Variants in GRHL2 observed in about 807,000 individuals in gnomAD.
GRHL2 encodes grainyhead like transcription factor 2.
A neutral mutation model predicts 83.8 loss-of-function variants in GRHL2; 21 were observed. That is an observed-to-expected ratio of 0.25 (90% CI 0.18 to 0.36). The LOEUF (loss-of-function observed/expected upper bound fraction) is 0.36, where lower values mean the gene tolerates loss of function less well. Ranked by LOEUF, GRHL2 falls within the 10% of genes least tolerant of loss-of-function variation. The probability of loss-of-function intolerance (pLI) is 1.00; values close to 1 mark genes in which losing one functional copy is unlikely to be tolerated. For missense variants in GRHL2, 623 were observed against 781.8 expected (o/e 0.80, Z 2.42); for synonymous variants, 280 against 278.9 (o/e 1.00, Z -0.04).
intron 4 of GRHL2, among the ~76,000 whole-genome samples, chr8:101,566,807 A>C (rs1361824174): frequency 1.3e-5 from 2 of 151,914 alleles, no homozygotes; most frequent in African/African-American, 4.8e-5. Context: ...ATGAGCTCAT[A>C]TAGAACTTTT....
In GRHL2 at chr8:101,492,492, C is replaced by T. The variant is rs1809982172; in HGVS notation, c.-278C>T. ...CGCCACTTTCTGCTCTGTGTCTGCC[C>T]ATTGCCACGATCCAGGAGGACTCCG... is the stretch of plus-strand genomic sequence containing the variant. On this transcript the variant is annotated 5_prime_UTR_variant, in exon 1 of 16. Coordinates refer to ENST00000646743, the MANE Select transcript of GRHL2 (RefSeq NM_024915.4). 5 of 574,694 alleles carry T rather than the reference C, an allele frequency of 8.7e-6. No individual in the cohort carries two copies. In the South Asian group the frequency reaches 1.0e-4, roughly 11 times the overall value. 35.6% of individuals were successfully genotyped at this position (574,694 alleles called of 1,614,324 possible). A position where few individuals can be genotyped will look rare whatever the true frequency, so the allele number is the denominator to read the frequency against.
chr8:101,607,655 TG>T (rs1488711402), intron 8 of GRHL2, among the ~76,000 whole-genome samples: 1 of 152,166 alleles, frequency 6.6e-6, no homozygotes. Context: ...GGGGCACTCC[TG>T]GGAGGGGTCT....
At chr8:101,677,577 A>T in the GRHL2 span, among the ~76,000 whole-genome samples, 1 of 152,066 alleles carries the variant, frequency 6.6e-6, no homozygotes, top group Non-Finnish European at 1.5e-5. Flanking sequence ...TGTCTTCATG[A>T]GGATTATGTA....
chr8:101,552,800 G>A lies in GRHL2; in HGVS notation c.284+18G>A. ...GAGAAAAGGTAAAGGAATTTGCCTG[G>A]CCCCCAGAATAACTCTATGTTTTCT... On this transcript the variant is annotated intron_variant, in intron 3 of 15. Transcript: ENST00000646743. 6.2e-7 allele frequency: 1 copy of A among 1,609,824 alleles called. No homozygotes were observed. The highest frequency in any genetic ancestry group is 1.3e-5 in the African/African-American group (1 of 74,918).
chr8:101,499,845 AG>A (rs1241928094), intron 1 of GRHL2, among the ~76,000 whole-genome samples: 2 of 152,166 alleles, frequency 1.3e-5, no homozygotes, highest in Non-Finnish European at 2.9e-5. Context: ...TGGGAAGCCG[AG>A]GCAGGCAGAT....
intron 7 of GRHL2, among the ~76,000 whole-genome samples, chr8:101,587,109 CAAGT>C (rs1441716150): frequency 2.6e-5 from 4 of 152,106 alleles, no homozygotes; most frequent in African/African-American, 7.2e-5. Flanking sequence ...TTTTTTAAAA[CAAGT>C]AGGTAGATGT....
intron 1 of GRHL2, among the ~76,000 whole-genome samples, chr8:101,516,272 A>AT (rs932302276): frequency 1.3e-5 from 2 of 152,154 alleles, no homozygotes; most frequent in Non-Finnish European, 2.9e-5. Flanking sequence ...TATAATTTTA[A>AT]TTTTTATCAA....
In GRHL2 at chr8:101,649,515, C is replaced by T. The variant is rs1472153477; in HGVS notation, c.1698+16C>T. 1.3e-6 allele frequency: 2 copies of T among 1,594,470 alleles called. No homozygotes were observed. On this transcript the variant is annotated intron_variant, in intron 14 of 15. Coordinates refer to ENST00000646743, the MANE Select transcript of GRHL2 (RefSeq NM_024915.4). ...GATGGAAGCGGTAAGCCATATACTC[C>T]TTTCAGCCTCCAGGAAACCTGCTGT... is the stretch of plus-strand genomic sequence containing the variant.
chr8:101,556,600 T>C (rs1211083715), intron 3 of GRHL2, among the ~76,000 whole-genome samples: 1 of 152,206 alleles, frequency 6.6e-6, no homozygotes, highest in Non-Finnish European at 1.5e-5. Context: ...CTACATCCTC[T>C]CCTTTCTCTC....
chr8:101,515,043 A>ATCCT (rs1171240980), intron 1 of GRHL2, among the ~76,000 whole-genome samples: 2 of 101,268 alleles, frequency 2.0e-5, no homozygotes, highest in Non-Finnish European at 3.9e-5. Context: ...CCTTCCTTCC[A>ATCCT]TCCTTCCTTC....
the GRHL2 span, among the ~76,000 whole-genome samples, chr8:101,675,511 A>C: frequency 8.0e-5 from 12 of 150,470 alleles, no homozygotes; most frequent in African/African-American, 2.7e-4. Flanking sequence ...AGGGATGTGA[A>C]GGACCTCTTC....
intron 2 of GRHL2, among the ~76,000 whole-genome samples, chr8:101,546,473 G>C (rs1398172706): frequency 6.6e-6 from 1 of 150,900 alleles, no homozygotes; most frequent in Non-Finnish European, 1.5e-5. Context: ...GCAGTGGCAT[G>C]ATCTCAGCTC....
the GRHL2 span, among the ~76,000 whole-genome samples, chr8:101,678,372 G>A: frequency 5.3e-5 from 8 of 152,238 alleles, no homozygotes; most frequent in South Asian, 8.4e-4. Flanking sequence ...GCGCTTTTCC[G>A]ACGGGCTTAA....
chr8:101,572,189 C>T (rs189401164), intron 5 of GRHL2, among the ~76,000 whole-genome samples: 9 of 152,266 alleles, frequency 5.9e-5, no homozygotes, highest in African/African-American at 1.7e-4. Flanking sequence ...CTAGACAAGA[C>T]GCAAGCTAGT....
At chr8:101,560,587 C>T (rs771516866) in intron 4 of GRHL2, among the ~76,000 whole-genome samples, 3 of 152,178 alleles carry the variant, frequency 2.0e-5, no homozygotes, top group East Asian at 1.9e-4. Flanking sequence ...TACTACCACA[C>T]GGTGCTTCAA....
At chr8:101,675,594 T>C in the GRHL2 span, among the ~76,000 whole-genome samples, 2 of 152,094 alleles carry the variant, frequency 1.3e-5, no homozygotes, top group Non-Finnish European at 2.9e-5. Flanking sequence ...TCCATGCTCA[T>C]GGGTAGGAAG....
chr8:101,659,809 T>C (rs7829287), intron 14 of GRHL2, among the ~76,000 whole-genome samples: 3,650 of 152,210 alleles, frequency 0.024, 137 homozygotes, highest in African/African-American at 0.082. Context: ...ATTGAGTGTC[T>C]CGCCAGATTT....
At position 101,492,564 on chromosome 8, in the gene GRHL2, C is replaced by G; in HGVS notation, c.-206C>G. 4.5e-6 allele frequency: 3 copies of G among 669,888 alleles called. No individual in the cohort carries two copies. Among genetic ancestry groups the G allele is most frequent in the East Asian group, 2.7e-5 (1 of 36,804 alleles). 41.5% of individuals were successfully genotyped at this position (669,888 alleles called of 1,614,324 possible). ...CTCGGGCCCCATGTGAGGGGCCCCC[C>G]CTTATCCCACCTTTCCGGCTAGGTG... On this transcript the variant is annotated 5_prime_UTR_variant, in exon 1 of 16. Transcript: ENST00000646743.
intron 1 of GRHL2, among the ~76,000 whole-genome samples, chr8:101,496,956 TTAA>T (rs1810119378): frequency 6.6e-6 from 1 of 152,210 alleles, no homozygotes; most frequent in South Asian, 2.1e-4. Context: ...AGTTCTCTAC[TTAA>T]TAATCTGGAC....
Sources: gnomAD v4.1 joint callset for allele counts (sites outside exome capture counted in the v4.1 genomes callset) on GRCh38, gnomAD v4.1.1 for gene constraint, MANE v1.5 for transcripts, NCBI Gene and HGNC (gene_info 2026-07-23, HGNC 2026-07-21) for gene names.